Variants in TMIGD3 observed in about 807,000 individuals in gnomAD.
TMIGD3 encodes the protein transmembrane and immunoglobulin domain containing 3.
In TMIGD3, 21 loss-of-function variants were observed where a neutral mutation model predicts 28.1. The ratio of observed to expected loss-of-function variants is 0.75; its 90% CI spans 0.53 to 1.08. The LOEUF (loss-of-function observed/expected upper bound fraction) is 1.08, where lower values mean the gene tolerates loss of function less well. TMIGD3 is among the 50% of genes least tolerant of loss of function. The pLI, the probability that TMIGD3 is intolerant of heterozygous loss-of-function variation, is 0.00. For missense variants in TMIGD3, 416 were observed against 435.6 expected (o/e 0.96, Z 0.40); for synonymous variants, 151 against 162.1 (o/e 0.93, Z 0.52).
chr1:111,523,104 ATGTT>A (rs142040637), intron 1 of TMIGD3, among the ~76,000 whole-genome samples: 1 of 152,208 alleles, frequency 6.6e-6, no homozygotes, highest in East Asian at 1.9e-4. Context: ...ATTAACTATG[ATGTT>A]TGTTGTAGTT....
intron 1 of TMIGD3, among the ~76,000 whole-genome samples, chr1:111,532,950 C>T (rs1656504587): frequency 1.3e-5 from 2 of 152,108 alleles, no homozygotes; most frequent in African/African-American, 2.4e-5. Context: ...TTGCGGGTGG[C>T]CCTGTTTATC....
At chr1:111,506,517 G>A (rs563662907), upstream of TMIGD3, among the ~76,000 whole-genome samples, 5 of 152,336 alleles carry the variant, frequency 3.3e-5, no homozygotes, top group African/African-American at 4.8e-5. Flanking sequence ...AGGCAGTGGC[G>A]AAGCCAGCAT....
intron 1 of TMIGD3, among the ~76,000 whole-genome samples, chr1:111,521,881 T>C (rs1656073291): frequency 6.6e-6 from 1 of 152,234 alleles, no homozygotes; most frequent in Admixed American, 6.5e-5. Context: ...AGAAATTTTA[T>C]AGTTTTAGTC....
At chr1:111,551,292 T>C (rs1396462664) in intron 1 of TMIGD3, among the ~76,000 whole-genome samples, 1 of 152,224 alleles carries the variant, frequency 6.6e-6, no homozygotes, top group African/African-American at 2.4e-5. Flanking sequence ...ATTATGTATA[T>C]GTCTTATATC....
At chr1:111,487,574 T>C (rs910493893) in intron 3 of TMIGD3, among the ~76,000 whole-genome samples, 1 of 151,738 alleles carries the variant, frequency 6.6e-6, no homozygotes, top group Admixed American at 6.6e-5. Context: ...AGACAGAGGT[T>C]TTCTGGTGCA....
intron 1 of TMIGD3, among the ~76,000 whole-genome samples, chr1:111,502,191 A>T (rs868110408): frequency 5.8e-5 from 4 of 68,538 alleles, no homozygotes; most frequent in African/African-American, 2.1e-4. Flanking sequence ...TAGGATATAT[A>T]TATTATAATA....
chr1:111,520,461 A>T (rs918974690), intron 1 of TMIGD3, among the ~76,000 whole-genome samples: 1 of 152,260 alleles, frequency 6.6e-6, no homozygotes, highest in Non-Finnish European at 1.5e-5. Context: ...CCCATGCAGG[A>T]AACTGGAAGA....
rs2101777618 is a variant in TMIGD3, at chr1:111,483,427, C to T, written c.*260G>A. On this transcript the variant is annotated 3_prime_UTR_variant, in exon 6 of 6. Transcript: ENST00000369716. ...GGTCCCCAATCCAGATTCTCCACCT[C>T]TTCTTCACTTCTGACTGATGGAATG... The T allele has an allele frequency of 4.8e-6, 2 of 416,412 alleles. No individual in the cohort carries two copies. Among genetic ancestry groups the T allele is most frequent in the South Asian group, 2.8e-5 (1 of 35,308 alleles). 25.8% of individuals were successfully genotyped at this position (416,412 alleles called of 1,614,324 possible). A position where few individuals can be genotyped will look rare whatever the true frequency, so the allele number is the denominator to read the frequency against.
upstream of TMIGD3, among the ~76,000 whole-genome samples, chr1:111,508,122 ACT>A (rs1283294129): frequency 1.3e-5 from 2 of 152,092 alleles, no homozygotes; most frequent in East Asian, 3.9e-4. Flanking sequence ...AGGTTCCTTC[ACT>A]CTGAGCAACA....
At chr1:111,561,836 A>G (rs1387752893) in intron 1 of TMIGD3, among the ~76,000 whole-genome samples, 2 of 151,958 alleles carry the variant, frequency 1.3e-5, no homozygotes, top group African/African-American at 4.8e-5. Context: ...CCCTTTCTCC[A>G]TTCCCACGGC....
intron 1 of TMIGD3, among the ~76,000 whole-genome samples, chr1:111,543,911 G>A (rs930449747): frequency 6.6e-6 from 1 of 152,118 alleles, no homozygotes; most frequent in African/African-American, 2.4e-5. Flanking sequence ...AGGCAAAGAT[G>A]GGGCTCTCTT....
chr1:111,530,097 T>C (rs1285850385), intron 1 of TMIGD3, among the ~76,000 whole-genome samples: 3 of 152,056 alleles, frequency 2.0e-5, no homozygotes, highest in East Asian at 3.9e-4. Flanking sequence ...CCCTCTGTAA[T>C]TGAGTATTTT....
upstream of TMIGD3, among the ~76,000 whole-genome samples, chr1:111,507,574 A>G (rs1417201670): frequency 1.3e-5 from 2 of 152,136 alleles, no homozygotes; most frequent in East Asian, 3.9e-4. Context: ...AGCCTACAAA[A>G]ACAGCAAGAT....
At chr1:111,553,482 C>G (rs751653963) in intron 1 of TMIGD3, among the ~76,000 whole-genome samples, 1 of 150,236 alleles carries the variant, frequency 6.7e-6, no homozygotes, top group Non-Finnish European at 1.5e-5. Flanking sequence ...AACAGGATAA[C>G]TTTTTAGCTT....
chr1:111,546,089 T>C (rs1284185951), intron 1 of TMIGD3, among the ~76,000 whole-genome samples: 1 of 152,184 alleles, frequency 6.6e-6, no homozygotes, highest in Non-Finnish European at 1.5e-5. Flanking sequence ...AAAACTATTT[T>C]GGTTATTCAA....
chr1:111,506,522 C>T (rs1487226501), upstream of TMIGD3, among the ~76,000 whole-genome samples: 1 of 152,192 alleles, frequency 6.6e-6, no homozygotes, highest in African/African-American at 2.4e-5. Flanking sequence ...GTGGCGAAGC[C>T]AGCATTCAAA....
chr1:111,559,767 T>C (rs939782177), intron 1 of TMIGD3, among the ~76,000 whole-genome samples: 12 of 152,236 alleles, frequency 7.9e-5, no homozygotes, highest in Non-Finnish European at 1.8e-4. Context: ...CTTCCTTCAA[T>C]TGGCTAAAAG....
At chr1:111,546,064 A>G (rs952368668) in intron 1 of TMIGD3, among the ~76,000 whole-genome samples, 4 of 152,080 alleles carry the variant, frequency 2.6e-5, no homozygotes, top group African/African-American at 7.2e-5. Context: ...TGAGTCCTTC[A>G]ATTTTTTCTT....
At chr1:111,557,171 C>T (rs967425528) in intron 1 of TMIGD3, among the ~76,000 whole-genome samples, 3 of 152,124 alleles carry the variant, frequency 2.0e-5, no homozygotes, top group Non-Finnish European at 4.4e-5. Flanking sequence ...TTCAACACCA[C>T]AGTGGAAGGC....
Sources: allele counts gnomAD v4.1 joint callset (sites outside exome capture counted in the v4.1 genomes callset), GRCh38; gene constraint gnomAD v4.1.1; transcripts MANE v1.5; gene names NCBI Gene and HGNC (gene_info 2026-07-23, HGNC 2026-07-21).